Variants in TSPEAR observed in about 807,000 individuals in gnomAD.
TSPEAR encodes the protein thrombospondin type laminin G domain and EAR repeats.
Under a neutral mutation model 71.6 loss-of-function variants are expected in TSPEAR, and 69 were observed. The ratio of observed to expected loss-of-function variants is 0.96; its 90% CI spans 0.79 to 1.18. The LOEUF (loss-of-function observed/expected upper bound fraction) is 1.18, where lower values mean the gene tolerates loss of function less well. Among genes scored for constraint, TSPEAR ranks in the 50% most tolerant of loss-of-function variants. The pLI, the probability that TSPEAR is intolerant of heterozygous loss-of-function variation, is 0.00. For missense variants in TSPEAR, 971 were observed against 894.9 expected, an observed-to-expected ratio of 1.09 and a Z score of -1.09; for synonymous variants, 402 against 387.2, an observed-to-expected ratio of 1.04 and a Z score of -0.45.
At chr21:44,582,134 G>A (rs1397438238) in intron 1 of TSPEAR, among the ~76,000 whole-genome samples, 1 of 152,222 alleles carries the variant, frequency 6.6e-6, no homozygotes, top group Non-Finnish European at 1.5e-5. Context: ...GGAAGGCTAG[G>A]ATGACGTCAT....
chr21:44,556,621 G>A (rs2146043835), intron 2 of TSPEAR, among the ~76,000 whole-genome samples: 1 of 152,282 alleles, frequency 6.6e-6, no homozygotes, highest in South Asian at 2.1e-4. Context: ...GAATCTGGGA[G>A]GTGGAGGTTG....
intron 1 of TSPEAR, chr21:44,681,582 G>T: frequency 2.1e-6 from 1 of 485,814 alleles, no homozygotes; most frequent in East Asian, 3.1e-5. Flanking sequence ...AGAGTTGCAT[G>T]GGGAAAGCTG....
intron 1 of TSPEAR, chr21:44,647,066 G>T: frequency 2.5e-6 from 4 of 1,613,802 alleles, no homozygotes; most frequent in Non-Finnish European, 3.4e-6. Context: ...AAGCCCATCT[G>T]CTGTGTGCCT....
intron 1 of TSPEAR, among the ~76,000 whole-genome samples, chr21:44,674,999 A>G (rs1239883017): frequency 6.6e-6 from 1 of 152,142 alleles, no homozygotes; most frequent in Non-Finnish European, 1.5e-5. Flanking sequence ...TACCAAACAC[A>G]TGAAGAACCA....
intron 1 of TSPEAR, among the ~76,000 whole-genome samples, chr21:44,569,437 G>C (rs1421474303): frequency 6.6e-6 from 1 of 152,118 alleles, no homozygotes; most frequent in Non-Finnish European, 1.5e-5. Flanking sequence ...GCAGGACGCT[G>C]CCTGGGCCTG....
intron 3 of TSPEAR, 96 bp from the exon 4 acceptor site, chr21:44,531,229 T>C (rs1366609866): frequency 2.1e-6 from 2 of 939,192 alleles, no homozygotes; most frequent in African/African-American, 3.3e-5. Flanking sequence ...CTAAGCAGCG[T>C]GCATCTGTGC....
chr21:44,698,500 T>C (rs1191061001), intron 1 of TSPEAR, among the ~76,000 whole-genome samples: 1 of 152,170 alleles, frequency 6.6e-6, no homozygotes, highest in Non-Finnish European at 1.5e-5. Context: ...AGCAGGCAAG[T>C]CCGTCTCCCA....
chr21:44,698,589 C>T (rs1022326441), intron 1 of TSPEAR, among the ~76,000 whole-genome samples: 13 of 152,244 alleles, frequency 8.5e-5, no homozygotes, highest in Non-Finnish European at 1.8e-4. Flanking sequence ...CACATTTCCC[C>T]GCCAAGTTGC....
chr21:44,638,763 G>A (rs1002164686), intron 1 of TSPEAR, among the ~76,000 whole-genome samples: 4 of 151,994 alleles, frequency 2.6e-5, no homozygotes, highest in East Asian at 2.0e-4. Context: ...CAGGAGTTTC[G>A]GGACAAAGTG....
chr21:44,513,411 T>C (rs1006748067), intron 9 of TSPEAR, among the ~76,000 whole-genome samples: 2 of 152,286 alleles, frequency 1.3e-5, no homozygotes, highest in Non-Finnish European at 2.9e-5. Context: ...TAGGGACTCA[T>C]AGAGGAGAGA....
Position 44,658,079 on chromosome 21 carries a change from G to A in TSPEAR, c.82+53354C>T, listed in dbSNP as rs782217629. On this transcript the variant is annotated intron_variant, in intron 1 of 11. Transcript: ENST00000323084. ...TGTGCCCGTGAGCTGCCAGTCCTCC[G>A]TGTGCATGCCCGTGAGCTGCACGCG... is the stretch of plus-strand genomic sequence containing the variant. 2.4e-5 allele frequency: 39 copies of A among 1,613,376 alleles called. No homozygotes were observed. Among genetic ancestry groups the A allele is most frequent in the South Asian group, 5.5e-5 (5 of 91,028 alleles).
intron 2 of TSPEAR, among the ~76,000 whole-genome samples, chr21:44,564,579 G>C (rs782136264): frequency 2.6e-5 from 4 of 151,996 alleles, no homozygotes; most frequent in Non-Finnish European, 5.9e-5. Context: ...CTATCATGAA[G>C]GTATAATAAA....
intron 1 of TSPEAR, chr21:44,697,166 T>A (rs1987384230): frequency 1.9e-6 from 3 of 1,599,948 alleles, no homozygotes; most frequent in East Asian, 2.2e-5. Flanking sequence ...CCCTCTCAGC[T>A]CCCCCAGCTC....
chr21:44,537,505 A>G (rs781903833), intron 2 of TSPEAR, among the ~76,000 whole-genome samples: 11 of 152,280 alleles, frequency 7.2e-5, no homozygotes, highest in Non-Finnish European at 1.3e-4. Context: ...TTTCAGAAGC[A>G]GGCTATACAA....
At position 44,567,730 on chromosome 21, in the gene TSPEAR, C is replaced by A. The variant is rs587743828; in HGVS notation, c.303+55G>T. On this transcript the variant is annotated intron_variant, in intron 2 of 11. Coordinates refer to ENST00000323084, the MANE Select transcript of TSPEAR (RefSeq NM_144991.3). ...CCTGTGCACGCGTTGGTACTGGGAA[C>A]CTCACAAGGGAAAATTACGCTATTA... The A allele has an allele frequency of 1.6e-5, 23 of 1,468,524 alleles. No individual in the cohort carries two copies. In the South Asian group the frequency reaches 3.2e-4, roughly 20 times the overall value. 91.0% of individuals were successfully genotyped at this position (1,468,524 alleles called of 1,614,324 possible).
At position 44,592,449 on chromosome 21, in the gene TSPEAR, G is replaced by A. The variant is rs145062212; in HGVS notation, c.83-24444C>T. 3,753 of 1,611,454 alleles carry A rather than the reference G, an allele frequency of 2.3e-3. 39 individuals are homozygous for A. In the African/African-American group the frequency reaches 0.041, roughly 18 times the overall value. On this transcript the variant is annotated intron_variant, in intron 1 of 11. Coordinates refer to ENST00000323084, the MANE Select transcript of TSPEAR (RefSeq NM_144991.3). ...GGCAGACGCGGCTGCCGTAGCTCAGGTCGCTGGAGCAGACGGACATGGTGG... is the reference window on the plus strand; with the variant it reads ...GGCAGACGCGGCTGCCGTAGCTCAGATCGCTGGAGCAGACGGACATGGTGG...
intron 2 of TSPEAR, among the ~76,000 whole-genome samples, chr21:44,560,166 TA>T (rs1555920786): frequency 2.6e-5 from 4 of 151,916 alleles, no homozygotes; most frequent in African/African-American, 9.7e-5. Context: ...GAAAGCAACG[TA>T]AGCAGGGGTT....
At chr21:44,591,137 T>A (rs233299) in intron 1 of TSPEAR, 1 of 604,342 alleles carries the variant, frequency 1.7e-6, no homozygotes, top group Non-Finnish European at 3.0e-6. Flanking sequence ...TTATTAGAAC[T>A]AGAGGGGGTG....
chr21:44,509,117 G>A, intron 10 of TSPEAR, 82 bp downstream of exon 10: 4 of 1,475,846 alleles, frequency 2.7e-6, no homozygotes, highest in Non-Finnish European at 2.8e-6. Context: ...GAAGGGTGGT[G>A]AGGATGAGCC....
Sources: gnomAD v4.1 joint callset for allele counts (sites outside exome capture counted in the v4.1 genomes callset) on GRCh38, gnomAD v4.1.1 for gene constraint, MANE v1.5 for transcripts, NCBI Gene and HGNC (gene_info 2026-07-23, HGNC 2026-07-21) for gene names.